Variants in SORCS2 observed in about 807,000 individuals in gnomAD.
The protein encoded by SORCS2 is VPS10 domain-containing receptor SorCS2.
SORCS2 carries 100 observed loss-of-function variants against 141.6 expected under a neutral mutation model. The observed-to-expected ratio is 0.71, with a 90% confidence interval of 0.60 to 0.83. The LOEUF (loss-of-function observed/expected upper bound fraction) is 0.83. Among genes scored for constraint, SORCS2 ranks in the 40% least tolerant of loss-of-function variants. The pLI, the probability that SORCS2 is intolerant of heterozygous loss-of-function variation, is 0.00. For missense variants in SORCS2, 1,646 were observed against 1,560.2 expected, an observed-to-expected ratio of 1.05 and a Z score of -0.93; for synonymous variants, 789 against 676.9, an observed-to-expected ratio of 1.17 and a Z score of -2.57.
At chr4:7,207,236 C>G (rs138919952) in intron 1 of SORCS2, among the ~76,000 whole-genome samples, 3 of 152,330 alleles carry the variant, frequency 2.0e-5, no homozygotes, top group African/African-American at 7.2e-5. Context: ...CTGTGAATGT[C>G]TTTTCTTCCA....
rs1320972635 is a variant in SORCS2, at chr4:7,602,360, G to A, written c.649-35968G>A. Among the ~76,000 whole-genome samples, 4 of 151,706 alleles carry A rather than the reference G, an allele frequency of 2.6e-5. 1 individual carries two copies. The highest frequency in any genetic ancestry group is 2.1e-4 in the South Asian group (1 of 4,800). ...CGGAGACGCTCCTCACTTCCCAGAC[G>A]GGGCGGCTGCTGGGCGGAGGGGCTC... On this transcript the variant is annotated intron_variant, in intron 3 of 26. Transcript: ENST00000507866.
chr4:7,206,367 G>C (rs1359113890), intron 1 of SORCS2, among the ~76,000 whole-genome samples: 1 of 152,190 alleles, frequency 6.6e-6, no homozygotes, highest in Non-Finnish European at 1.5e-5. Flanking sequence ...CTAGCAGGAG[G>C]TCATGGATCC....
At chr4:7,494,272 C>G (rs746803811) in intron 2 of SORCS2, among the ~76,000 whole-genome samples, 1 of 152,196 alleles carries the variant, frequency 6.6e-6, no homozygotes, top group African/African-American at 2.4e-5. Context: ...AGTGACTGAT[C>G]GAGCTGTTTC....
chr4:7,214,828 C>T (rs371649491), intron 1 of SORCS2, among the ~76,000 whole-genome samples: 21 of 152,324 alleles, frequency 1.4e-4, no homozygotes, highest in African/African-American at 4.8e-4. Context: ...ACACGAAGGA[C>T]GCCTGTCTTT....
chr4:7,514,657 C>T (rs981817947), intron 2 of SORCS2, among the ~76,000 whole-genome samples: 1 of 152,088 alleles, frequency 6.6e-6, no homozygotes, highest in African/African-American at 2.4e-5. Context: ...GTCACGTTTC[C>T]TGGGGTGTAC....
At chr4:7,452,177 G>C (rs986068111) in intron 2 of SORCS2, among the ~76,000 whole-genome samples, 4 of 151,044 alleles carry the variant, frequency 2.6e-5, no homozygotes, top group African/African-American at 9.8e-5. Context: ...GACTTGCTCT[G>C]TCACCCAGGC....
At position 7,638,451 on chromosome 4, in the gene SORCS2, A is replaced by G. The variant is rs1553896947; in HGVS notation, c.772A>G (p.Lys258Glu). 2 of 1,610,720 alleles carry G rather than the reference A, an allele frequency of 1.2e-6. No individual in the cohort carries two copies. The highest frequency in any genetic ancestry group is 1.3e-5 in the African/African-American group (1 of 74,756). Residue 258 changes from lysine to glutamate, a missense_variant, in exon 4 of 27, where the codon AAG becomes GAG. Physicochemically the swap from Lys to Glu is moderately conservative, Grantham distance 56. Coordinates refer to ENST00000507866, the MANE Select transcript of SORCS2 (RefSeq NM_020777.3). Reference sequence around the variant, plus strand: ...CGTGGAAACTCTGATTTTCCACCCTAAGGAGGAGGACAAGGTCCTCGCCTA... The same window carrying G: ...CGTGGAAACTCTGATTTTCCACCCTGAGGAGGAGGACAAGGTCCTCGCCTA... ...FFVETLIFHP[K>E]EEDKVLAYTK...
chr4:7,389,060 TGGATC>T (rs1297501349), intron 1 of SORCS2, among the ~76,000 whole-genome samples: 1 of 151,920 alleles, frequency 6.6e-6, no homozygotes, highest in Non-Finnish European at 1.5e-5. Flanking sequence ...CCACTGCGGG[TGGATC>T]ATTCCTGCCC....
chr4:7,539,668 T>A (rs903950506), intron 3 of SORCS2, among the ~76,000 whole-genome samples: 1 of 84,052 alleles, frequency 1.2e-5, no homozygotes, highest in African/African-American at 2.9e-5. Context: ...CCTTCCCAGC[T>A]GCAAGGCCCC....
intron 11 of SORCS2, among the ~76,000 whole-genome samples, chr4:7,696,165 A>T (rs991640586): frequency 1.3e-5 from 2 of 152,194 alleles, no homozygotes; most frequent in Non-Finnish European, 2.9e-5. Flanking sequence ...TGGATAAAGT[A>T]CTTCTGAAAG....
At chr4:7,207,369 C>T (rs970250677) in intron 1 of SORCS2, among the ~76,000 whole-genome samples, 1 of 152,216 alleles carries the variant, frequency 6.6e-6, no homozygotes, top group Non-Finnish European at 1.5e-5. Flanking sequence ...CGGGAGCCGA[C>T]GTGAGTCACC....
intron 1 of SORCS2, among the ~76,000 whole-genome samples, chr4:7,327,068 G>A (rs1403652687): frequency 6.6e-6 from 1 of 152,242 alleles, no homozygotes; most frequent in African/African-American, 2.4e-5. Flanking sequence ...CCCTGTCCCT[G>A]TTCTGATCTG....
At position 7,530,608 on chromosome 4, in the gene SORCS2, C is replaced by T. The variant is rs115835917; in HGVS notation, c.549-922C>T. 4.4e-3 allele frequency among the ~76,000 whole-genome samples: 669 copies of T among 152,340 alleles called. 4 individuals carry two copies. Among genetic ancestry groups the T allele is most frequent in the Non-Finnish European group, 4.4e-3 (297 of 68,032 alleles). ...CTGATCCTCTCCAGTACAGTCGGGG[C>T]ATATCCTGCAATCCCAGTATATTTT... On this transcript the variant is annotated intron_variant, in intron 2 of 26. Transcript: ENST00000507866.
At chr4:7,200,001 G>A (rs1475843218) in intron 1 of SORCS2, among the ~76,000 whole-genome samples, 8 of 150,608 alleles carry the variant, frequency 5.3e-5, no homozygotes, top group Admixed American at 4.7e-4. Flanking sequence ...CCCCTCTGGT[G>A]CACAGTGGGG....
At chr4:7,384,282 G>A (rs1723157559) in intron 1 of SORCS2, among the ~76,000 whole-genome samples, 1 of 152,210 alleles carries the variant, frequency 6.6e-6, no homozygotes, top group African/African-American at 2.4e-5. Flanking sequence ...CCAGGGACAA[G>A]GCCTGTGGGG....
chr4:7,611,082 C>T (rs922373991), intron 3 of SORCS2, among the ~76,000 whole-genome samples: 2 of 152,170 alleles, frequency 1.3e-5, no homozygotes, highest in African/African-American at 2.4e-5. Context: ...ACCATGCAGC[C>T]CAGCACCCAC....
chr4:7,728,043 C>T (rs187962220), intron 21 of SORCS2, among the ~76,000 whole-genome samples: 228 of 152,344 alleles, frequency 1.5e-3, no homozygotes, highest in African/African-American at 4.9e-3. Context: ...CCTCCTGGGT[C>T]AGCGCATCTT....
chr4:7,721,966 T>C (rs1166618360), intron 18 of SORCS2, among the ~76,000 whole-genome samples: 1 of 152,242 alleles, frequency 6.6e-6, no homozygotes, highest in African/African-American at 2.4e-5. Flanking sequence ...GAGGGTATTA[T>C]GGTGAGATTT....
Position 7,667,109 on chromosome 4 carries a change from T to C in SORCS2, c.1072-15T>C. 1 of 1,608,006 alleles carries C rather than the reference T, an allele frequency of 6.2e-7. No homozygotes were observed. The highest frequency in any genetic ancestry group is 2.2e-5 in the East Asian group (1 of 44,704). On this transcript the variant is annotated splice_polypyrimidine_tract_variant and intron_variant, in intron 7 of 26. Transcript: ENST00000507866. The stretch of plus-strand genomic sequence containing the variant: ...GAATCAAGCCTCTCAAAAATGTGTT[T>C]CTTCCCCCGGTTAGGCAACATCAGC...
Sources: allele counts gnomAD v4.1 joint callset (sites outside exome capture counted in the v4.1 genomes callset), GRCh38; gene constraint gnomAD v4.1.1; transcripts MANE v1.5; gene names NCBI Gene and HGNC (gene_info 2026-07-23, HGNC 2026-07-21).